PITPNC1: variants seen among roughly 807,000 people sequenced by gnomAD.
PITPNC1 encodes cytoplasmic phosphatidylinositol transfer protein 1.
In PITPNC1, 18 loss-of-function variants were observed where a neutral mutation model predicts 44.7. That is an observed-to-expected ratio of 0.40 (90% CI 0.28 to 0.60). The LOEUF is 0.60. Among genes scored for constraint, PITPNC1 ranks in the 20% least tolerant of loss-of-function variants. The probability of loss-of-function intolerance (pLI) is 0.39; values close to 1 mark genes in which losing one functional copy is unlikely to be tolerated. For synonymous variants in PITPNC1, 141 were observed against 149.6 expected (o/e 0.94, Z 0.42); for missense variants, 290 against 418.4 (o/e 0.69, Z 2.68).
intron 1 of PITPNC1, among the ~76,000 whole-genome samples, chr17:67,466,205 T>C (rs374814406): frequency 3.6e-5 from 1 of 27,746 alleles, no homozygotes; most frequent in Non-Finnish European, 2.7e-4. Flanking sequence ...GGTGGGGGGG[T>C]GGGGGGGGGC....
chr17:67,471,016 A>G (rs1044461417), intron 1 of PITPNC1, among the ~76,000 whole-genome samples: 4 of 123,840 alleles, frequency 3.2e-5, no homozygotes, highest in African/African-American at 1.3e-4. Flanking sequence ...ATGCTCGTTA[A>G]GAGTCATCAC....
At chr17:67,421,439 C>CT (rs2038672088) in intron 1 of PITPNC1, among the ~76,000 whole-genome samples, 1 of 152,086 alleles carries the variant, frequency 6.6e-6, no homozygotes, top group African/African-American at 2.4e-5. Context: ...CTCATCACCA[C>CT]GCCTGGCTAA....
intron 1 of PITPNC1, among the ~76,000 whole-genome samples, chr17:67,384,440 T>TTC (rs1171993382): frequency 6.6e-6 from 1 of 151,658 alleles, no homozygotes; most frequent in Admixed American, 6.6e-5. Flanking sequence ...TTTTTTTTTT[T>TTC]TTTGAGACGG....
intron 5 of PITPNC1, among the ~76,000 whole-genome samples, chr17:67,602,873 A>G (rs2041560021): frequency 1.3e-5 from 2 of 152,100 alleles, no homozygotes; most frequent in Admixed American, 6.5e-5. Flanking sequence ...AGTAGCTGGA[A>G]CTACAGGTGC....
intron 4 of PITPNC1, among the ~76,000 whole-genome samples, chr17:67,572,468 C>CGGA (rs2041072097): frequency 2.0e-5 from 1 of 48,938 alleles, no homozygotes; most frequent in Middle Eastern, 0.015. Context: ...CTGGGTAAAG[C>CGGA]GGGGGGGGGG....
At chr17:67,681,608 CAAAAAAAAAA>C (rs5821459) in intron 8 of PITPNC1, among the ~76,000 whole-genome samples, 3 of 36,416 alleles carry the variant, frequency 8.2e-5, no homozygotes, top group African/African-American at 3.2e-4. Flanking sequence ...AACCCTATCT[CAAAAAAAAAA>C]AAAAAAAAAA....
chr17:67,403,987 T>C (rs2038360570), intron 1 of PITPNC1, among the ~76,000 whole-genome samples: 1 of 152,038 alleles, frequency 6.6e-6, no homozygotes, highest in Non-Finnish European at 1.5e-5. Flanking sequence ...GCGCCGCTGC[T>C]CTCCAGCCTG....
intron 6 of PITPNC1, among the ~76,000 whole-genome samples, chr17:67,641,333 T>C (rs910569586): frequency 1.3e-5 from 2 of 152,206 alleles, no homozygotes; most frequent in African/African-American, 4.8e-5. Context: ...GACATCGCTG[T>C]TAAAGTTGGT....
chr17:67,663,263 G>A (rs190295772), intron 6 of PITPNC1, among the ~76,000 whole-genome samples: 59 of 152,236 alleles, frequency 3.9e-4, no homozygotes, highest in Middle Eastern at 3.4e-3. Flanking sequence ...AGGGTGAGCC[G>A]GTGGTGTTAA....
At chr17:67,409,335 C>T (rs571248248) in intron 1 of PITPNC1, among the ~76,000 whole-genome samples, 63 of 152,000 alleles carry the variant, frequency 4.1e-4, no homozygotes, top group Non-Finnish European at 6.8e-4. Context: ...CCACCCGCCT[C>T]GGCCTCCCAA....
intron 1 of PITPNC1, among the ~76,000 whole-genome samples, chr17:67,396,987 A>C (rs978822628): frequency 6.6e-6 from 1 of 151,628 alleles, no homozygotes; most frequent in African/African-American, 2.4e-5. Context: ...ATTTTTATTT[A>C]TTTATTTTTT....
intron 1 of PITPNC1, among the ~76,000 whole-genome samples, chr17:67,513,491 A>ATG: frequency 1.1e-5 from 1 of 89,014 alleles, no homozygotes; most frequent in African/African-American, 6.5e-5. Flanking sequence ...GTGTGTGTGT[A>ATG]TATATATATA....
At position 67,676,820 on chromosome 17, in the gene PITPNC1, CTTTTT is replaced by C. The variant is rs57287879; in HGVS notation, c.682+1284_682+1288del. 3.3e-5 allele frequency among the ~76,000 whole-genome samples: 5 copies of C among 149,578 alleles called. No homozygotes were observed. The highest frequency in any genetic ancestry group is 6.7e-5 in the Admixed American group (1 of 14,968). ...ATGGTTCTATAAGCTATGGGCTTTT[CTTTTT>C]TTTTTCTTTTTTTCTTACCTCCTTT... On this transcript the variant is annotated intron_variant, in intron 8 of 8. Coordinates refer to ENST00000581322, the MANE Select transcript of PITPNC1 (RefSeq NM_012417.4). This position sits in a 1 kb window ranked among gnomAD's most constrained non-coding sequence, Gnocchi z 4.0.
chr17:67,689,202 C>CAAATAAAT (rs578210521), intron 8 of PITPNC1, among the ~76,000 whole-genome samples: 2 of 151,564 alleles, frequency 1.3e-5, no homozygotes, highest in African/African-American at 4.8e-5. Flanking sequence ...AACTCCATCT[C>CAAATAAAT]AAATAAATAA....
intron 1 of PITPNC1, among the ~76,000 whole-genome samples, chr17:67,461,423 G>A (rs2039336178): frequency 1.3e-5 from 2 of 152,212 alleles, no homozygotes. Flanking sequence ...AGCATCCTAT[G>A]GGAACTCATG....
rs1267437324 is a variant in PITPNC1, at chr17:67,396,412, C to T, written c.48+18210C>T. On this transcript the variant is annotated intron_variant, in intron 1 of 8. Coordinates refer to ENST00000581322, the MANE Select transcript of PITPNC1 (RefSeq NM_012417.4). ...TTTGAGATGGAGTCTCATTCTGTTG[C>T]CCAGGCTGGAGTGCAGTGGCGTGAT... is the stretch of plus-strand genomic sequence containing the variant. Among the ~76,000 whole-genome samples the T allele has an allele frequency of 1.3e-5, 2 of 152,132 alleles. 1 individual carries two copies. Among genetic ancestry groups the T allele is most frequent in the Admixed American group, 1.3e-4 (2 of 15,270 alleles).
intron 5 of PITPNC1, among the ~76,000 whole-genome samples, chr17:67,623,645 A>G (rs2041861291): frequency 6.6e-6 from 1 of 152,194 alleles, no homozygotes; most frequent in Non-Finnish European, 1.5e-5. Context: ...TGGCCTCCCA[A>G]AGTGCTGGGA....
intron 5 of PITPNC1, among the ~76,000 whole-genome samples, chr17:67,599,001 C>CATACATATATATAT (rs1213219086): frequency 8.9e-5 from 4 of 45,160 alleles, no homozygotes; most frequent in Admixed American, 6.8e-4. Context: ...ATAAGAAATA[C>CATACATATATATAT]ATATATATAT....
intron 6 of PITPNC1, among the ~76,000 whole-genome samples, chr17:67,649,262 T>TGCAG (rs1158768635): frequency 6.6e-6 from 1 of 152,208 alleles, no homozygotes; most frequent in Non-Finnish European, 1.5e-5. Context: ...CCCAAAAGCT[T>TGCAG]GCAGAGGAAC....
Sources: gnomAD v4.1 joint callset for allele counts (sites outside exome capture counted in the v4.1 genomes callset) on GRCh38, gnomAD v4.1.1 for gene constraint, Gnocchi (gnomAD v3.1) non-coding constraint, MANE v1.5 for transcripts, NCBI Gene and HGNC (gene_info 2026-07-23, HGNC 2026-07-21) for gene names.